The following COMT variants were observed in gnomAD, a reference collection of about 807,000 sequenced individuals.
COMT encodes the protein catechol O-methyltransferase.
A neutral mutation model predicts 18.9 loss-of-function variants in COMT; 13 were observed. The ratio of observed to expected loss-of-function variants is 0.69; its 90% confidence interval spans 0.45 to 1.09. The LOEUF is 1.09. COMT is among the 50% of genes least tolerant of loss of function. The pLI is 0.00. For missense variants in COMT, 329 were observed against 361.8 expected (o/e 0.91, Z 0.73); for synonymous variants, 150 against 160.9 (o/e 0.93, Z 0.51).
At chr22:19,964,658 C>T (rs541509295) in intron 5 of COMT, 2 of 584,886 alleles carry the variant, frequency 3.4e-6, no homozygotes, top group South Asian at 4.1e-5. Context: ...CTGGGCCCAG[C>T]CTGCTCTCCC....
chr22:19,943,500 G>A (rs1941780350), intron 1 of COMT, among the ~76,000 whole-genome samples: 2 of 151,970 alleles, frequency 1.3e-5, no homozygotes, highest in African/African-American at 4.8e-5. Context: ...AAATTAGCCC[G>A]GCGTGGTGGC....
At chr22:19,965,681 T>C (rs1466158129) in intron 5 of COMT, 2 of 152,316 alleles carry the variant, frequency 1.3e-5, no homozygotes, top group Non-Finnish European at 2.9e-5. Flanking sequence ...CAAAAACTTT[T>C]CTGGAAAGAT....
Position 19,968,524 on chromosome 22 carries a change from G to C in COMT, c.616-12G>C, listed in dbSNP as rs766025497. 3 of 1,613,062 alleles carry C rather than the reference G, an allele frequency of 1.9e-6. No individual in the cohort carries two copies. The highest frequency in any genetic ancestry group is 2.2e-5 in the East Asian group (1 of 44,858). ...TGACCCTCACCTCCCCCACCCCCCGGTCTGTTTGCAGGAATGTGGCCTGCT... is the reference window on the plus strand; with the variant it reads ...TGACCCTCACCTCCCCCACCCCCCGCTCTGTTTGCAGGAATGTGGCCTGCT... On this transcript the variant is annotated splice_polypyrimidine_tract_variant and intron_variant, in intron 5 of 5. Coordinates refer to ENST00000361682, the MANE Select transcript of COMT (RefSeq NM_000754.4).
In COMT at chr22:19,969,793, C is replaced by T; in HGVS notation, c.*1057C>T. 1.0e-6 allele frequency: 1 copy of T among 975,358 alleles called. No individual in the cohort carries two copies. Among genetic ancestry groups the T allele is most frequent in the African/African-American group, 1.8e-5 (1 of 57,142 alleles). 60.4% of individuals were successfully genotyped at this position (975,358 alleles called of 1,614,324 possible). A position where few individuals can be genotyped will look rare whatever the true frequency, so the allele number is the denominator to read the frequency against. On this transcript the variant is annotated 3_prime_UTR_variant, in exon 6 of 6. Coordinates refer to ENST00000361682, the MANE Select transcript of COMT (RefSeq NM_000754.4). ...TCTGCAGGACACAGCAGATGGGCAC[C>T]TGGGACCACCTCCACCCAGGGCCCT... is the stretch of plus-strand genomic sequence containing the variant.
At chr22:19,959,866 G>A (rs9606196) in intron 1 of COMT, among the ~76,000 whole-genome samples, 6 of 28,886 alleles carry the variant, frequency 2.1e-4, no homozygotes, top group African/African-American at 3.3e-4. Flanking sequence ...CACTTCCCCA[G>A]CCCCCATGGC....
intron 1 of COMT, among the ~76,000 whole-genome samples, chr22:19,945,355 A>G (rs1467856012): frequency 6.6e-6 from 1 of 152,234 alleles, no homozygotes; most frequent in Non-Finnish European, 1.5e-5. Context: ...CAATGGCTCC[A>G]CAAAGTCAAC....
rs1601550431 is a variant in COMT, at chr22:19,969,081, G to A, written c.*345G>A. 1 of 243,236 alleles carries A rather than the reference G, an allele frequency of 4.1e-6. No individual in the cohort carries two copies. The highest frequency in any genetic ancestry group is 8.2e-6 in the Non-Finnish European group (1 of 121,308). The allele number at this position is 243,236 out of a possible 1,614,324, so 15.1% of individuals were successfully genotyped here. On this transcript the variant is annotated 3_prime_UTR_variant, in exon 6 of 6. Coordinates refer to ENST00000361682, the MANE Select transcript of COMT (RefSeq NM_000754.4). ...GCCATTCCCCTGCTGCCCTTGACTT[G>A]GGCACCAAACATTCAAAGCTCCCCT...
intron 1 of COMT, among the ~76,000 whole-genome samples, chr22:19,952,930 G>C (rs966448428): frequency 2.0e-5 from 3 of 151,778 alleles, no homozygotes; most frequent in African/African-American, 7.3e-5. Context: ...CAGTCTGTGT[G>C]ACAGAGTGAC....
chr22:19,962,504 G>GCCCCA, intron 2 of COMT, 23 bp from the exon 3 acceptor site: 1 of 1,542,722 alleles, frequency 6.5e-7, no homozygotes, highest in East Asian at 2.4e-5. Flanking sequence ...GAGCACTGGC[G>GCCCCA]CCCCTCCCCT....
In COMT at chr22:19,964,219, A is replaced by T. The variant is rs770596060; in HGVS notation, c.535A>T (p.Lys179Ter). 1.6e-5 allele frequency: 26 copies of T among 1,613,982 alleles called. No individual in the cohort carries two copies. The highest frequency in any genetic ancestry group is 1.6e-4 in the Middle Eastern group (1 of 6,084). Residue 179 changes from lysine to a stop codon, truncating the protein, a stop_gained, in exon 5 of 6, where the codon AAG becomes TAG. Transcript: ENST00000361682. LOFTEE classifies it high-confidence loss of function. ...GGACATCATCCCCCAGCTGAAGAAG[A>T]AGTATGATGTGGACACACTGGACAT... ...SQDIIPQLKK[K>*]YDVDTLDMVF...
intron 5 of COMT, 165 bp downstream of exon 5, chr22:19,964,464 C>CT (rs1233670688): frequency 9.5e-7 from 1 of 1,052,776 alleles, no homozygotes; most frequent in Non-Finnish European, 1.4e-6. Flanking sequence ...TGAGGAGGCC[C>CT]TGTGGTGGGT....
At chr22:19,948,979 A>AAAAT (rs1941885129) in intron 1 of COMT, among the ~76,000 whole-genome samples, 1 of 150,810 alleles carries the variant, frequency 6.6e-6, no homozygotes, top group African/African-American at 2.4e-5. Context: ...AAAAAAAAAA[A>AAAAT]TTTAAAGAAA....
In COMT at chr22:19,968,730, G is replaced by A; in HGVS notation, c.810G>A (p.Gly270=). ...AIYKGPGSEA[G]P is the part of the protein sequence containing the mutation. ...ACAAGGGCCCAGGCAGCGAAGCAGG[G>A]CCCTGACTGCCCCCCCGGCCCCCCT... Residue 270 remains glycine, a synonymous_variant, in exon 6 of 6, where the codon GGG becomes GGA. Coordinates refer to ENST00000361682, the MANE Select transcript of COMT (RefSeq NM_000754.4). 2 of 1,578,594 alleles carry A rather than the reference G, an allele frequency of 1.3e-6. No individual in the cohort carries two copies. Among genetic ancestry groups the A allele is most frequent in the Non-Finnish European group, 1.7e-6 (2 of 1,163,494 alleles).
chr22:19,942,832 G>A (rs1010857896), intron 1 of COMT, among the ~76,000 whole-genome samples: 6 of 152,180 alleles, frequency 3.9e-5, no homozygotes, highest in Admixed American at 3.3e-4. Flanking sequence ...GTAGAGTTAG[G>A]GAAACAGAAA....
intron 1 of COMT, among the ~76,000 whole-genome samples, chr22:19,947,833 C>T (rs957391512): frequency 1.3e-5 from 2 of 151,912 alleles, no homozygotes; most frequent in South Asian, 2.1e-4. Flanking sequence ...TGCTAAGTAA[C>T]GGGTGCTTTT....
At chr22:19,954,983 G>A (rs1000806506) in intron 1 of COMT, among the ~76,000 whole-genome samples, 9 of 152,130 alleles carry the variant, frequency 5.9e-5, no homozygotes, top group African/African-American at 1.9e-4. Flanking sequence ...AGAAAGAGGC[G>A]AGGCCCCATC....
intron 1 of COMT, among the ~76,000 whole-genome samples, chr22:19,946,730 A>G (rs1941841065): frequency 1.3e-5 from 2 of 152,178 alleles, no homozygotes; most frequent in African/African-American, 4.8e-5. Context: ...TTTATGACAC[A>G]TAGCATTTTA....
chr22:19,964,686 C>T (rs1245942939), intron 5 of COMT: 5 of 561,658 alleles, frequency 8.9e-6, no homozygotes, highest in South Asian at 2.1e-5. Flanking sequence ...AGCCACTGCT[C>T]GTGCAAAGAA....
At chr22:19,956,594 T>C (rs1342124485) in intron 1 of COMT, among the ~76,000 whole-genome samples, 2 of 152,114 alleles carry the variant, frequency 1.3e-5, no homozygotes, top group Non-Finnish European at 1.5e-5. Flanking sequence ...GCCAGGCTGA[T>C]CTCGAAATCC....
Sources: gnomAD v4.1 joint callset for allele counts (sites outside exome capture counted in the v4.1 genomes callset) on GRCh38, gnomAD v4.1.1 for gene constraint, MANE v1.5 for transcripts, NCBI Gene and HGNC (gene_info 2026-07-23, HGNC 2026-07-21) for gene names.